Variants in EML4 observed in about 807,000 individuals in gnomAD.
The protein encoded by EML4 is echinoderm microtubule-associated protein-like 4.
In EML4, 72 loss-of-function variants were observed where a neutral mutation model predicts 129.0. That is an observed-to-expected ratio of 0.56 (90% confidence interval 0.46 to 0.68). The LOEUF (loss-of-function observed/expected upper bound fraction) is 0.68, where lower values mean the gene tolerates loss of function less well. Ranked by LOEUF, EML4 falls within the 30% of genes least tolerant of loss-of-function variation. EML4 has a pLI of 0.00. For synonymous variants in EML4, 532 were observed against 405.0 expected (o/e 1.31, Z -3.77); for missense variants, 1,363 against 1,190.6 (o/e 1.14, Z -2.13).
At chr2:42,169,698 C>T (rs1670142138) in intron 1 of EML4, 62 bp downstream of exon 1, 13 of 1,572,310 alleles carry the variant, frequency 8.3e-6, no homozygotes, top group African/African-American at 1.4e-5. Context: ...TCCTTCCGCA[C>T]ACAGCCCAGG....
intron 17 of EML4, 34 bp downstream of exon 17, chr2:42,304,585 TG>T: frequency 6.7e-7 from 1 of 1,500,770 alleles, no homozygotes; most frequent in Non-Finnish European, 9.3e-7. Context: ...TAATCTGAAG[TG>T]GTGGGATGTT....
intron 4 of EML4, among the ~76,000 whole-genome samples, chr2:42,262,234 A>G (rs1001346864): frequency 3.9e-5 from 6 of 152,148 alleles, no homozygotes; most frequent in African/African-American, 1.4e-4. Context: ...AAACCAAAAT[A>G]CCCTTCACTT....
intron 11 of EML4, among the ~76,000 whole-genome samples, chr2:42,293,253 C>T (rs754859973): frequency 1.2e-4 from 18 of 151,918 alleles, no homozygotes; most frequent in Non-Finnish European, 1.3e-4. Context: ...AAAACTACAG[C>T]GCGCACCGCC....
intron 8 of EML4, among the ~76,000 whole-genome samples, chr2:42,283,986 A>G (rs550463274): frequency 6.6e-6 from 1 of 152,198 alleles, no homozygotes; most frequent in Non-Finnish European, 1.5e-5. Context: ...GGACATAAAG[A>G]TGTCTTTTTC....
chr2:42,264,463 A>G (rs931804899), intron 5 of EML4, among the ~76,000 whole-genome samples: 6 of 152,228 alleles, frequency 3.9e-5, no homozygotes, highest in African/African-American at 1.4e-4. Context: ...TATTTTTCAT[A>G]AGTTATTTTT....
chr2:42,293,903 C>A (rs1449207612), intron 11 of EML4, among the ~76,000 whole-genome samples: 1 of 152,236 alleles, frequency 6.6e-6, no homozygotes, highest in East Asian at 1.9e-4. Flanking sequence ...GCCACCACGC[C>A]CGGCCCATGT....
chr2:42,192,877 C>T (rs1305044689), intron 1 of EML4, among the ~76,000 whole-genome samples: 1 of 152,076 alleles, frequency 6.6e-6, no homozygotes, highest in Non-Finnish European at 1.5e-5. Context: ...GGTGCATCTG[C>T]AGAAAGCATT....
Position 42,330,287 on chromosome 2 carries a change from A to T in EML4, c.*80A>T. 1 of 1,257,198 alleles carries T rather than the reference A, an allele frequency of 8.0e-7. No individual in the cohort carries two copies. The highest frequency in any genetic ancestry group is 1.2e-6 in the Non-Finnish European group (1 of 868,600). The allele number at this position is 1,257,198 out of a possible 1,614,324, so 77.9% of individuals were successfully genotyped here. A position where few individuals can be genotyped will look rare whatever the true frequency, so the allele number is the denominator to read the frequency against. On this transcript the variant is annotated 3_prime_UTR_variant, in exon 23 of 23. Transcript: ENST00000318522. ...AGTTCAGGTAACAGGATGGGCAGTGATGGAGAATCACTGTTGATTGAGATT... is the reference window on the plus strand; with the variant it reads ...AGTTCAGGTAACAGGATGGGCAGTGTTGGAGAATCACTGTTGATTGAGATT...
At chr2:42,290,827 A>T (rs921931093) in intron 11 of EML4, among the ~76,000 whole-genome samples, 3 of 152,218 alleles carry the variant, frequency 2.0e-5, no homozygotes, top group Non-Finnish European at 2.9e-5. Flanking sequence ...GATGTTACAT[A>T]ATCATGGATA....
In EML4 at chr2:42,237,492, G is replaced by C. The variant is rs74797469; in HGVS notation, c.26-8013G>C. On this transcript the variant is annotated intron_variant, in intron 1 of 22. Transcript: ENST00000318522. Reference sequence around the variant, plus strand: ...ATCTTCTTGGATTTTATTTTTGTGTGTGGTGGAGATATGGGCTTTAATATA... The same window carrying C: ...ATCTTCTTGGATTTTATTTTTGTGTCTGGTGGAGATATGGGCTTTAATATA... Among the ~76,000 whole-genome samples the C allele has an allele frequency of 1.6e-3, 246 of 152,104 alleles. 1 individual carries two copies. Among genetic ancestry groups the C allele is most frequent in the Non-Finnish European group, 1.9e-3 (129 of 68,002 alleles).
chr2:42,318,483 G>C (rs969211660), intron 19 of EML4, among the ~76,000 whole-genome samples: 10 of 152,072 alleles, frequency 6.6e-5, no homozygotes, highest in African/African-American at 2.4e-4. Flanking sequence ...TTGTAAACTA[G>C]TCTACAAACA....
At chr2:42,282,519 AAGT>A (rs1300128428) in intron 7 of EML4, among the ~76,000 whole-genome samples, 1 of 152,026 alleles carries the variant, frequency 6.6e-6, no homozygotes, top group Non-Finnish European at 1.5e-5. Context: ...TCAGACTCCC[AAGT>A]AGCTGGAACT....
intron 6 of EML4, among the ~76,000 whole-genome samples, chr2:42,267,669 A>C (rs866454679): frequency 1.6e-4 from 24 of 152,318 alleles, no homozygotes; most frequent in African/African-American, 5.8e-4. Flanking sequence ...CTGGTTGTTG[A>C]AAGCAATAGA....
chr2:42,258,632 T>A (rs920869443), intron 3 of EML4, among the ~76,000 whole-genome samples: 1 of 152,018 alleles, frequency 6.6e-6, no homozygotes, highest in African/African-American at 2.4e-5. Flanking sequence ...ACTCCCAACC[T>A]CAGGTCATCC....
intron 1 of EML4, among the ~76,000 whole-genome samples, chr2:42,232,971 C>G (rs776336913): frequency 1.3e-5 from 2 of 152,182 alleles, no homozygotes; most frequent in South Asian, 2.1e-4. Context: ...ATCCCCCTGC[C>G]TCACCCGCCC....
intron 6 of EML4, among the ~76,000 whole-genome samples, chr2:42,271,028 T>A (rs1012148679): frequency 1.3e-5 from 2 of 152,192 alleles, no homozygotes; most frequent in Non-Finnish European, 2.9e-5. Flanking sequence ...CCAGAGTAGC[T>A]GGCACATAGG....
chr2:42,303,065 A>G (rs1668381188), intron 14 of EML4, 39 bp from the exon 15 acceptor site: 1 of 1,599,104 alleles, frequency 6.3e-7, no homozygotes, highest in Non-Finnish European at 8.5e-7. Flanking sequence ...ATTAATGCAT[A>G]TTAGTATGTA....
chr2:42,292,487 G>C (rs953806915), intron 11 of EML4, among the ~76,000 whole-genome samples: 13 of 152,294 alleles, frequency 8.5e-5, no homozygotes, highest in African/African-American at 3.1e-4. Flanking sequence ...ATGGATTTTA[G>C]AAATGAAATG....
chr2:42,283,496 T>C (rs1198858021), intron 8 of EML4, among the ~76,000 whole-genome samples: 1 of 152,218 alleles, frequency 6.6e-6, no homozygotes, highest in African/African-American at 2.4e-5. Flanking sequence ...TAAATGCAAT[T>C]ATTTATTGTT....
Sources: gnomAD v4.1 joint callset for allele counts (sites outside exome capture counted in the v4.1 genomes callset) on GRCh38, gnomAD v4.1.1 for gene constraint, MANE v1.5 for transcripts, NCBI Gene and HGNC (gene_info 2026-07-23, HGNC 2026-07-21) for gene names.